LDB2: variants seen among roughly 807,000 people sequenced by gnomAD.
LDB2 encodes LIM domain binding 2, also known as LIM domain-binding protein 2.
LDB2 carries 12 observed loss-of-function variants against 44.3 expected under a neutral mutation model. The observed-to-expected ratio is 0.27, with a 90% CI of 0.17 to 0.44. The LOEUF is 0.44. Among genes scored for constraint, LDB2 ranks in the 20% least tolerant of loss-of-function variants. The probability of loss-of-function intolerance (pLI) is 1.00; values close to 1 mark genes in which losing one functional copy is unlikely to be tolerated. For missense variants in LDB2, 344 were observed against 473.5 expected, an observed-to-expected ratio of 0.73 and a Z score of 2.54; for synonymous variants, 164 against 174.8, an observed-to-expected ratio of 0.94 and a Z score of 0.49.
intron 2 of LDB2, among the ~76,000 whole-genome samples, chr4:16,632,035 G>C (rs996768747): frequency 2.0e-5 from 3 of 152,130 alleles, no homozygotes; most frequent in Non-Finnish European, 2.9e-5. Flanking sequence ...CATTCCTTCC[G>C]AAACTATTCC....
intron 5 of LDB2, among the ~76,000 whole-genome samples, chr4:16,584,105 C>T (rs139338045): frequency 2.0e-3 from 298 of 152,266 alleles, no homozygotes; most frequent in African/African-American, 6.6e-3. Context: ...TGTTTCTCTA[C>T]GTGGCTCCAG....
chr4:16,873,463 C>A (rs551347367), intron 1 of LDB2, among the ~76,000 whole-genome samples: 2 of 151,590 alleles, frequency 1.3e-5, no homozygotes, highest in African/African-American at 4.9e-5. Flanking sequence ...TTAACCTTGA[C>A]GGTGTTAATG....
intron 2 of LDB2, among the ~76,000 whole-genome samples, chr4:16,604,492 G>T (rs971642367): frequency 6.7e-6 from 1 of 148,646 alleles, no homozygotes; most frequent in African/African-American, 2.5e-5. Context: ...TATATATATA[G>T]CAATAACTTT....
At chr4:16,708,469 G>A (rs919113652) in intron 2 of LDB2, among the ~76,000 whole-genome samples, 9 of 151,998 alleles carry the variant, frequency 5.9e-5, no homozygotes, top group African/African-American at 2.2e-4. Context: ...CCCTGGACAT[G>A]TCCTCTTCCC....
rs71181181 is a variant in LDB2 at position 16,693,347 on chromosome 4, C to CTT, written c.235+65809_235+65810dup. 6.4e-3 allele frequency among the ~76,000 whole-genome samples: 719 copies of CTT among 111,992 alleles called. 14 individuals carry two copies. The highest frequency in any genetic ancestry group is 0.028 in the East Asian group (92 of 3,288). The allele number at this position is 111,992 out of a possible 152,430, so 73.5% of individuals were successfully genotyped here. On this transcript the variant is annotated intron_variant, in intron 2 of 7. Coordinates refer to ENST00000304523, the MANE Select transcript of LDB2 (RefSeq NM_001290.5). ...CTACTTGTTCCCTAGAGCAATAGTT[C>CTT]TTTTTTTTTTTTTTTTTTTTTTGAG...
At chr4:16,832,682 T>A (rs1261211834) in intron 1 of LDB2, among the ~76,000 whole-genome samples, 2 of 152,214 alleles carry the variant, frequency 1.3e-5, no homozygotes, top group African/African-American at 4.8e-5. Flanking sequence ...GCTTAGAATT[T>A]TTTGAGCTGC....
chr4:16,547,881 G>A (rs1347617398), intron 5 of LDB2, among the ~76,000 whole-genome samples: 2 of 152,024 alleles, frequency 1.3e-5, no homozygotes, highest in African/African-American at 4.8e-5. Context: ...CATAGAAAGT[G>A]TGTTTTCTTT....
At position 16,707,152 on chromosome 4, in the gene LDB2, T is replaced by C. The variant is rs547693187; in HGVS notation, c.235+52006A>G. Among the ~76,000 whole-genome samples the C allele has an allele frequency of 9.2e-5, 14 of 152,292 alleles. No homozygotes were observed. The South Asian group carries it at 2.9e-3, about 32-fold the overall frequency. On this transcript the variant is annotated intron_variant, in intron 2 of 7. Transcript: ENST00000304523. ...ACATGAAAGCCTTAAAAAAAATTGATGAAATAAAATCTGCTAATTCATGTG... is the reference window on the plus strand; with the variant it reads ...ACATGAAAGCCTTAAAAAAAATTGACGAAATAAAATCTGCTAATTCATGTG...
intron 1 of LDB2, 21 bp downstream of exon 1, chr4:16,898,333 C>T (rs370162657): frequency 6.8e-6 from 11 of 1,608,044 alleles, no homozygotes; most frequent in Non-Finnish European, 9.4e-6. Flanking sequence ...ACAAACACAT[C>T]CCCAAGGTTG....
At chr4:16,524,963 TA>T (rs1727677866) in intron 5 of LDB2, among the ~76,000 whole-genome samples, 1 of 152,274 alleles carries the variant, frequency 6.6e-6, no homozygotes, top group African/African-American at 2.4e-5. Context: ...AGGTAATATT[TA>T]AACACTAACA....
chr4:16,812,981 G>A (rs77841337), intron 1 of LDB2, among the ~76,000 whole-genome samples: 2,155 of 151,896 alleles, frequency 0.014, 64 homozygotes, highest in African/African-American at 0.049. Flanking sequence ...TTTGAAGCAG[G>A]CGTGCCTCAG....
chr4:16,589,144 T>C (rs1409524054), intron 3 of LDB2, among the ~76,000 whole-genome samples: 2 of 152,204 alleles, frequency 1.3e-5, no homozygotes, highest in African/African-American at 4.8e-5. Flanking sequence ...TATAGTGACA[T>C]TGGGTCAAAA....
chr4:16,814,629 A>T (rs1459754546), intron 1 of LDB2, among the ~76,000 whole-genome samples: 4 of 152,230 alleles, frequency 2.6e-5, no homozygotes, highest in Admixed American at 1.3e-4. Context: ...TGATGCAACA[A>T]TATAGACAAT....
intron 5 of LDB2, among the ~76,000 whole-genome samples, chr4:16,565,483 A>G (rs1350876170): frequency 6.6e-6 from 1 of 152,096 alleles, no homozygotes; most frequent in Non-Finnish European, 1.5e-5. Flanking sequence ...AAGAATAGAT[A>G]TTACCTTAAC....
At chr4:16,844,230 A>G (rs1486543789) in intron 1 of LDB2, among the ~76,000 whole-genome samples, 3 of 138,992 alleles carry the variant, frequency 2.2e-5, no homozygotes, top group African/African-American at 8.1e-5. Flanking sequence ...CCTGGGAGAC[A>G]GAGACACACC....
At chr4:16,841,535 T>C (rs1785892083) in intron 1 of LDB2, among the ~76,000 whole-genome samples, 1 of 152,216 alleles carries the variant, frequency 6.6e-6, no homozygotes. Context: ...CACAGTTGCC[T>C]TCAAATGAGA....
At chr4:16,892,641 T>C (rs1723750377) in intron 1 of LDB2, among the ~76,000 whole-genome samples, 1 of 152,186 alleles carries the variant, frequency 6.6e-6, no homozygotes, top group African/African-American at 2.4e-5. Context: ...ATTTATAAAG[T>C]TGGATGTTTG....
chr4:16,742,366 A>C (rs145544247), intron 2 of LDB2, among the ~76,000 whole-genome samples: 12 of 152,100 alleles, frequency 7.9e-5, no homozygotes, highest in Admixed American at 3.3e-4. Context: ...CACCGCGCCC[A>C]GCCAACACAT....
At chr4:16,725,736 G>A (rs985626240) in intron 2 of LDB2, among the ~76,000 whole-genome samples, 2 of 151,896 alleles carry the variant, frequency 1.3e-5, no homozygotes, top group Non-Finnish European at 2.9e-5. Context: ...CCACTATGAA[G>A]TTTTCCCACT....
Sources: allele counts gnomAD v4.1 joint callset (sites outside exome capture counted in the v4.1 genomes callset), GRCh38; gene constraint gnomAD v4.1.1; transcripts MANE v1.5; gene names NCBI Gene and HGNC (gene_info 2026-07-23, HGNC 2026-07-21).